PCDHAC1: variants seen among roughly 807,000 people sequenced by gnomAD.
PCDHAC1 encodes the protein protocadherin alpha-C1.
A neutral mutation model predicts 60.0 loss-of-function variants in PCDHAC1; 42 were observed. That is an observed-to-expected ratio of 0.70 (90% CI 0.55 to 0.90). The LOEUF (loss-of-function observed/expected upper bound fraction) is 0.90. PCDHAC1 is among the 40% of genes least tolerant of loss of function. PCDHAC1 has a pLI of 0.00. For missense variants in PCDHAC1, 1,160 were observed against 1,222.3 expected, an observed-to-expected ratio of 0.95 and a Z score of 0.76; for synonymous variants, 468 against 499.3, an observed-to-expected ratio of 0.94 and a Z score of 0.84.
intron 1 of PCDHAC1, among the ~76,000 whole-genome samples, chr5:140,932,376 A>G (rs2088262778): frequency 6.6e-6 from 1 of 151,964 alleles, no homozygotes; most frequent in African/African-American, 2.4e-5. Context: ...TTTCCACATG[A>G]AAGTTATACA....
chr5:140,944,463 A>C (rs2093660880), intron 1 of PCDHAC1, among the ~76,000 whole-genome samples: 1 of 152,198 alleles, frequency 6.6e-6, no homozygotes, highest in Admixed American at 6.5e-5. Flanking sequence ...CTGGGATTAC[A>C]GGTATGAGGC....
intron 1 of PCDHAC1, among the ~76,000 whole-genome samples, chr5:140,933,323 T>C (rs935740276): frequency 6.6e-6 from 1 of 152,016 alleles, no homozygotes; most frequent in Admixed American, 6.6e-5. Flanking sequence ...CGTATTCTCC[T>C]GTGCTGTAGA....
At chr5:140,996,386 C>G (rs574909973) in intron 3 of PCDHAC1, among the ~76,000 whole-genome samples, 1 of 152,268 alleles carries the variant, frequency 6.6e-6, no homozygotes, top group South Asian at 2.1e-4. Flanking sequence ...GAAATAATGC[C>G]TCATAGAGTT....
At chr5:140,988,169 A>G (rs1384072642) in intron 3 of PCDHAC1, among the ~76,000 whole-genome samples, 3 of 152,128 alleles carry the variant, frequency 2.0e-5, no homozygotes. Flanking sequence ...TGTCATAGCA[A>G]TGACAGTCCT....
chr5:140,938,065 C>A (rs2091903151), intron 1 of PCDHAC1, among the ~76,000 whole-genome samples: 1 of 152,094 alleles, frequency 6.6e-6, no homozygotes, highest in Admixed American at 6.5e-5. Context: ...TACTGTCATG[C>A]TATTCCCAAA....
In PCDHAC1 at chr5:141,010,121, T is replaced by C; in HGVS notation, c.*184T>C. The C allele has an allele frequency of 1.2e-6, 2 of 1,606,996 alleles. No homozygotes were observed. The highest frequency in any genetic ancestry group is 1.7e-6 in the Non-Finnish European group (2 of 1,176,140). On this transcript the variant is annotated 3_prime_UTR_variant, in exon 4 of 4. Transcript: ENST00000253807. ...ACAGGTTTTGTCGTAAAAGCTTTAC[T>C]AAGTCTGGTGTTAACTCTTTCTCTC... is the stretch of plus-strand genomic sequence containing the variant.
At chr5:140,998,056 C>T (rs1162882949) in intron 3 of PCDHAC1, among the ~76,000 whole-genome samples, 1 of 152,160 alleles carries the variant, frequency 6.6e-6, no homozygotes, top group Non-Finnish European at 1.5e-5. Context: ...GTGACATCAT[C>T]ATCAACAGAC....
chr5:140,978,377 G>A (rs1382683424), intron 1 of PCDHAC1, among the ~76,000 whole-genome samples: 3 of 152,212 alleles, frequency 2.0e-5, no homozygotes, highest in Non-Finnish European at 4.4e-5. Context: ...GCAATAGTTT[G>A]TTTTCCTCTC....
chr5:140,969,028 A>G (rs1554231371), intron 1 of PCDHAC1: 1 of 1,614,208 alleles, frequency 6.2e-7, no homozygotes, highest in Non-Finnish European at 8.5e-7. Context: ...GGTCCCCTGC[A>G]GAACTGTACA....
At chr5:140,932,967 T>C (rs367764644) in intron 1 of PCDHAC1, among the ~76,000 whole-genome samples, 2 of 152,036 alleles carry the variant, frequency 1.3e-5, no homozygotes, top group South Asian at 2.1e-4. Context: ...TGCTGAAAGG[T>C]TTTTACAATG....
At chr5:140,982,241 T>G in intron 2 of PCDHAC1, 1 of 696,668 alleles carries the variant, frequency 1.4e-6, no homozygotes, top group South Asian at 3.3e-5. Context: ...AGAATTGCCA[T>G]AAAGATAGAA....
At chr5:140,941,648 T>C (rs975692197) in intron 1 of PCDHAC1, among the ~76,000 whole-genome samples, 1 of 152,074 alleles carries the variant, frequency 6.6e-6, no homozygotes, top group Non-Finnish European at 1.5e-5. Context: ...TTCCTACAAC[T>C]TATGTCCAAT....
chr5:140,928,100 T>C lies in PCDHAC1; in HGVS notation c.1208T>C (p.Leu403Pro), dbSNP rs1458420006. The C allele has an allele frequency of 6.2e-7, 1 of 1,614,090 alleles. No homozygotes were observed. The highest frequency in any genetic ancestry group is 1.3e-5 in the African/African-American group (1 of 74,930). Residue 403 changes from leucine (L) to proline (P), a missense_variant, in exon 1 of 4, where the codon CTG (leucine) becomes CCG (proline). Transcript: ENST00000253807. The stretch of plus-strand genomic sequence containing the variant: ...TACAGCCTGCTGATTGATGGGCCCC[T>C]GGACCGGGAGCAGATCAGTGAATAC... ...NYYSLLIDGP[L>P]DREQISEYQV...
At chr5:140,966,522 G>A (rs1350046535) in intron 1 of PCDHAC1, 2 of 437,040 alleles carry the variant, frequency 4.6e-6, no homozygotes, top group Non-Finnish European at 7.9e-6. Flanking sequence ...GCAGGAAGCC[G>A]AGCCGGGTTG....
At chr5:140,967,944 A>G (rs782135204) in intron 1 of PCDHAC1, 4 of 1,613,970 alleles carry the variant, frequency 2.5e-6, no homozygotes. Flanking sequence ...AATGACCAAG[A>G]CTCAGGCCCC....
chr5:140,928,297 G>A lies in PCDHAC1; in HGVS notation c.1405G>A (p.Ala469Thr). Residue 469 changes from alanine (A) to threonine (T), a missense_variant, in exon 1 of 4, where the codon GCC (alanine) becomes ACC (threonine). This residue lies in a region of PCDHAC1 where 1,113 missense variants were observed against 1,163.7 expected (regional missense o/e 0.96). Coordinates refer to ENST00000253807, the MANE Select transcript of PCDHAC1 (RefSeq NM_018898.5). ...TGGGGCCTCTCTAGGCCGAGTGTTT[G>A]CCCAGGACCCCGACCTGGGGAAGAA... Reference protein sequence around the residue: ...GPGASLGRVFAQDPDLGKNGL... With the variant: ...GPGASLGRVFTQDPDLGKNGL... 6.2e-7 allele frequency: 1 copy of A among 1,614,112 alleles called. No homozygotes were observed. Among genetic ancestry groups the A allele is most frequent in the Non-Finnish European group, 8.5e-7 (1 of 1,180,038 alleles).
intron 1 of PCDHAC1, chr5:140,967,773 A>C (rs1285230643): frequency 1.9e-6 from 3 of 1,614,108 alleles, no homozygotes; most frequent in Non-Finnish European, 1.7e-6. Context: ...ATCTATGTGC[A>C]GGCGACTGAC....
At chr5:140,994,214 G>A (rs2153923643) in intron 3 of PCDHAC1, among the ~76,000 whole-genome samples, 1 of 152,296 alleles carries the variant, frequency 6.6e-6, no homozygotes, top group South Asian at 2.1e-4. Flanking sequence ...ATGGGACCCA[G>A]GGTCTGTCTA....
At chr5:140,997,566 T>G (rs1366934494) in intron 3 of PCDHAC1, among the ~76,000 whole-genome samples, 1 of 152,208 alleles carries the variant, frequency 6.6e-6, no homozygotes, top group Non-Finnish European at 1.5e-5. Context: ...AACTGTCATA[T>G]GTGTGGTCCG....
Sources: allele counts gnomAD v4.1 joint callset (sites outside exome capture counted in the v4.1 genomes callset), GRCh38; gene constraint gnomAD v4.1.1; regional missense constraint gnomAD v4.1.1; transcripts MANE v1.5; gene names NCBI Gene and HGNC (gene_info 2026-07-23, HGNC 2026-07-21).